Variants in VIL1 observed in about 807,000 individuals in gnomAD.
VIL1 encodes the protein villin-1.
Under a neutral mutation model 104.0 loss-of-function variants are expected in VIL1, and 86 were observed. The ratio of observed to expected loss-of-function variants is 0.83; its 90% CI spans 0.69 to 0.99. VIL1 has a LOEUF of 0.99. Among genes scored for constraint, VIL1 ranks in the 50% least tolerant of loss-of-function variants. The pLI, the probability that VIL1 is intolerant of heterozygous loss-of-function variation, is 0.00. For missense variants in VIL1, 944 were observed against 1,054.1 expected, an observed-to-expected ratio of 0.90 and a Z score of 1.45; for synonymous variants, 394 against 412.6, an observed-to-expected ratio of 0.95 and a Z score of 0.55.
chr2:218,427,872 C>A, intron 4 of VIL1, 93 bp from the exon 5 acceptor site: 2 of 1,222,400 alleles, frequency 1.6e-6, no homozygotes, highest in Non-Finnish European at 2.4e-6. Flanking sequence ...CTGGCCCTCA[C>A]GTGACCCCAG....
intron 10 of VIL1, 80 bp downstream of exon 10, chr2:218,430,958 T>C (rs1271166353): frequency 3.3e-6 from 5 of 1,534,526 alleles, no homozygotes; most frequent in Non-Finnish European, 4.4e-6. Context: ...CCACCCACCC[T>C]CCTTCCCTGA....
Position 218,429,320 on chromosome 2 carries a change from G to T in VIL1, c.603G>T (p.Glu201Asp), listed in dbSNP as rs200103221. 94 of 1,614,038 alleles carry T rather than the reference G, an allele frequency of 5.8e-5. No individual in the cohort carries two copies. The highest frequency in any genetic ancestry group is 6.8e-5 in the Non-Finnish European group (80 of 1,179,990). Residue 201 changes from glutamate (E) to aspartate (D), a missense_variant, in exon 7 of 20, where the codon GAG becomes GAT. Transcript: ENST00000248444. The stretch of plus-strand genomic sequence containing the variant: ...TGGCCAAGGAGATCCGAGACCAGGA[G>T]CGGGGAGGGCGCACCTATGTAGGCG... ...MTLAKEIRDQERGGRTYVGVV... is the reference protein window; with the variant it reads ...MTLAKEIRDQDRGGRTYVGVV...
intron 12 of VIL1, 80 bp downstream of exon 12, chr2:218,432,263 C>A: frequency 6.4e-7 from 1 of 1,551,064 alleles, no homozygotes; most frequent in East Asian, 2.3e-5. Flanking sequence ...TGGCCATCAC[C>A]CTTGGGTTGA....
rs776875220 is a variant in VIL1 at position 218,425,599 on chromosome 2, G to A, written c.151-16G>A. 5 of 1,613,586 alleles carry A rather than the reference G, an allele frequency of 3.1e-6. No homozygotes were observed. Among genetic ancestry groups the A allele is most frequent in the Non-Finnish European group, 1.7e-6 (2 of 1,179,780 alleles). Reference sequence around the variant, plus strand: ...GGAGCCCAGGGTCTCGGGTACACTGGACACCTTTTCCCTAGATCCACAAGA... The same window carrying A: ...GGAGCCCAGGGTCTCGGGTACACTGAACACCTTTTCCCTAGATCCACAAGA... On this transcript the variant is annotated splice_polypyrimidine_tract_variant and intron_variant, in intron 3 of 19. Transcript: ENST00000248444.
At chr2:218,423,596 G>A (rs76638202) in intron 1 of VIL1, among the ~76,000 whole-genome samples, 172 bp from the exon 2 acceptor site, 3,009 of 152,110 alleles carry the variant, frequency 0.02, 107 homozygotes, top group African/African-American at 0.069. Flanking sequence ...TAGACACTGC[G>A]GATTTGGTAC....
chr2:218,433,169 C>G (rs1689128936), intron 13 of VIL1, among the ~76,000 whole-genome samples: 1 of 152,128 alleles, frequency 6.6e-6, no homozygotes, highest in Non-Finnish European at 1.5e-5. Flanking sequence ...GGCATGGTGG[C>G]TCACGCCTGC....
chr2:218,440,116 A>C (rs1689262432), intron 18 of VIL1, among the ~76,000 whole-genome samples: 1 of 152,214 alleles, frequency 6.6e-6, no homozygotes, highest in Admixed American at 6.5e-5. Context: ...GAATTTATAG[A>C]TGACAATTTC....
chr2:218,422,913 C>A (rs1164671316), intron 1 of VIL1, among the ~76,000 whole-genome samples: 1 of 152,166 alleles, frequency 6.6e-6, no homozygotes, highest in East Asian at 1.9e-4. Flanking sequence ...TAGTTCATAT[C>A]AGAATCACTG....
At chr2:218,440,134 A>G (rs79741847) in intron 18 of VIL1, among the ~76,000 whole-genome samples, 3,676 of 152,320 alleles carry the variant, frequency 0.024, 146 homozygotes, top group African/African-American at 0.083. Context: ...TTCACAACAG[A>G]TAAGAGAGAC....
chr2:218,437,233 C>T lies in VIL1; in HGVS notation c.2081C>T (p.Pro694Leu), dbSNP rs765351871. 4.3e-6 allele frequency: 7 copies of T among 1,614,042 alleles called. No homozygotes were observed. The highest frequency in any genetic ancestry group is 1.3e-5 in the African/African-American group (1 of 74,916). Reference sequence around the variant, plus strand: ...CCCAGCGGGCGTGACCCTGAGACCCCCATCATTGTGGTGAAGCAGGGACAC... The same window carrying T: ...CCCAGCGGGCGTGACCCTGAGACCCTCATCATTGTGGTGAAGCAGGGACAC... ...THPSGRDPET[P>L]IIVVKQGHEP... is the part of the protein sequence containing the mutation. Residue 694 changes from proline (P) to leucine (L), a missense_variant, in exon 17 of 20, where the codon CCC (proline) becomes CTC (leucine). Physicochemically the swap from Pro to Leu is moderately conservative, Grantham distance 98 (BLOSUM62 -3). Transcript: ENST00000248444.
At chr2:218,449,055 TCTC>T (rs1266392909) in intron 19 of VIL1, among the ~76,000 whole-genome samples, 165 bp from the exon 20 acceptor site, 1 of 151,830 alleles carries the variant, frequency 6.6e-6, no homozygotes, top group Non-Finnish European at 1.5e-5. Context: ...AATACCATAC[TCTC>T]CTCCTCTCCA....
chr2:218,422,899 G>A (rs1330636351), intron 1 of VIL1, among the ~76,000 whole-genome samples: 2 of 152,188 alleles, frequency 1.3e-5, no homozygotes, highest in East Asian at 1.9e-4. Flanking sequence ...GTGGCTGTCT[G>A]CCCTAGTTCA....
At position 218,424,997 on chromosome 2, in the gene VIL1, C is replaced by G. The variant is rs568512467; in HGVS notation, c.151-618C>G. Among the ~76,000 whole-genome samples, 30 of 151,946 alleles carry G rather than the reference C, an allele frequency of 2.0e-4. No homozygotes were observed. In the South Asian group the frequency reaches 5.8e-3, roughly 30 times the overall value. ...TCATATCACCTTGATTTTCACCATA[C>G]CCTGGTACCACCTGTACTATTAAGA... On this transcript the variant is annotated intron_variant, in intron 3 of 19. Coordinates refer to ENST00000248444, the MANE Select transcript of VIL1 (RefSeq NM_007127.3).
Position 218,434,600 on chromosome 2 carries a change from C to T in VIL1, c.1575C>T (p.Ala525=). 1 of 1,614,148 alleles carries T rather than the reference C, an allele frequency of 6.2e-7. No individual in the cohort carries two copies. The highest frequency in any genetic ancestry group is 1.6e-4 in the Middle Eastern group (1 of 6,062). ...TRLFQVQGTG[A]NNTKAFEVPA... is the part of the protein sequence containing the mutation. ...TGTTCCAGGTCCAGGGAACTGGCGC[C>T]AACAACACCAAGGCCTTTGAGGTCC... is the stretch of plus-strand genomic sequence containing the variant. Residue 525 remains alanine (A), a synonymous_variant, in exon 14 of 20, where the codon GCC becomes GCT. Transcript: ENST00000248444.
In VIL1 at chr2:218,434,197, CAA is replaced by C. The variant is rs772237911; in HGVS notation, c.1501-315_1501-314del. On this transcript the variant is annotated intron_variant, in intron 13 of 19. Coordinates refer to ENST00000248444, the MANE Select transcript of VIL1 (RefSeq NM_007127.3). ...GGGGAACAAGAGCAAAACTCCGTCT[CAA>C]AAAAAAAAAAAAAGCCTGGCAGAGC... Among the ~76,000 whole-genome samples, 26 of 92,074 alleles carry C rather than the reference CAA, an allele frequency of 2.8e-4. 1 individual carries two copies. Among genetic ancestry groups the C allele is most frequent in the Middle Eastern group, 0.013 (2 of 158 alleles). 60.4% of individuals were successfully genotyped at this position (92,074 alleles called of 152,430 possible).
rs770873294 is a variant in VIL1, at chr2:218,449,351, G to A, written c.*15G>A. 4 of 1,589,638 alleles carry A rather than the reference G, an allele frequency of 2.5e-6. No homozygotes were observed. Among genetic ancestry groups the A allele is most frequent in the Middle Eastern group, 1.7e-4 (1 of 6,026 alleles). The stretch of plus-strand genomic sequence containing the variant: ...GACTATTTTGAGAAGAGTAGCTGTG[G>A]TTGTAAAGCAGTACCCTACCCTGAT... On this transcript the variant is annotated 3_prime_UTR_variant, in exon 20 of 20. Transcript: ENST00000248444.
At chr2:218,434,057 C>T (rs185441864) in intron 13 of VIL1, among the ~76,000 whole-genome samples, 4 of 152,004 alleles carry the variant, frequency 2.6e-5, no homozygotes, top group Non-Finnish European at 4.4e-5. Context: ...ATTAGCCGGG[C>T]GTGGCAGTGG....
rs1240579075 is a variant in VIL1, at chr2:218,440,858, A to G, written c.2366A>G (p.Lys789Arg). The G allele has an allele frequency of 1.2e-6, 2 of 1,614,044 alleles. No homozygotes were observed. Among genetic ancestry groups the G allele is most frequent in the Non-Finnish European group, 1.7e-6 (2 of 1,179,950 alleles). ...ELPEGVDPSR[K>R]EEHLSIEDFT... ...CCCGAGGGTGTGGACCCCAGCAGGAAGGAGGTAGGTCAGATTCTCAAAGGA... is the reference window on the plus strand; with the variant it reads ...CCCGAGGGTGTGGACCCCAGCAGGAGGGAGGTAGGTCAGATTCTCAAAGGA... Residue 789 changes from lysine (K) to arginine (R), a missense_variant, in exon 19 of 20, where the codon AAG becomes AGG. By Grantham distance (26) the Lys-to-Arg change is conservative (BLOSUM62 2). Coordinates refer to ENST00000248444, the MANE Select transcript of VIL1 (RefSeq NM_007127.3).
rs199679952 is a variant in VIL1, at chr2:218,440,816, A to G, written c.2324A>G (p.Lys775Arg). ...TTCCCCCTGGAGCAGCTAGTGAACAAGCCTGTAGAGGAGCTCCCCGAGGGT... is the reference window on the plus strand; with the variant it reads ...TTCCCCCTGGAGCAGCTAGTGAACAGGCCTGTAGAGGAGCTCCCCGAGGGT... The part of the protein sequence containing the change: ...PIFPLEQLVN[K>R]PVEELPEGVD... The change falls in exon 19 of 20, where the codon AAG becomes AGG. Residue 775 changes from lysine to arginine, a missense_variant. By Grantham distance (26) the Lys-to-Arg change is conservative (BLOSUM62 2). Coordinates refer to ENST00000248444, the MANE Select transcript of VIL1 (RefSeq NM_007127.3). 12 of 1,614,078 alleles carry G rather than the reference A, an allele frequency of 7.4e-6. No homozygotes were observed. Among genetic ancestry groups the G allele is most frequent in the Non-Finnish European group, 8.5e-6 (10 of 1,180,032 alleles).
Sources: allele counts gnomAD v4.1 joint callset (sites outside exome capture counted in the v4.1 genomes callset), GRCh38; gene constraint gnomAD v4.1.1; transcripts MANE v1.5; gene names NCBI Gene and HGNC (gene_info 2026-07-23, HGNC 2026-07-21).